The following PEAK1 variants were observed in gnomAD, a reference collection of about 807,000 sequenced individuals.
PEAK1 encodes the protein inactive tyrosine-protein kinase PEAK1.
PEAK1 carries 54 observed loss-of-function variants against 124.7 expected under a neutral mutation model. That is an observed-to-expected ratio of 0.43 (90% CI 0.35 to 0.54). PEAK1 has a LOEUF of 0.54. Ranked by LOEUF, PEAK1 falls within the 20% of genes least tolerant of loss-of-function variation. PEAK1 has a pLI of 0.01. For synonymous variants in PEAK1, 719 were observed against 760.0 expected, an observed-to-expected ratio of 0.95 and a Z score of 0.89; for missense variants, 2,046 against 2,134.5, an observed-to-expected ratio of 0.96 and a Z score of 0.82.
At chr15:77,308,846 T>C (rs982684805) in intron 2 of PEAK1, among the ~76,000 whole-genome samples, 1 of 152,064 alleles carries the variant, frequency 6.6e-6, no homozygotes, top group Non-Finnish European at 1.5e-5. Context: ...AGCTAAATTA[T>C]TGAGATGCTG....
chr15:77,360,096 G>C (rs2067784738), intron 2 of PEAK1, among the ~76,000 whole-genome samples: 1 of 152,172 alleles, frequency 6.6e-6, no homozygotes. Flanking sequence ...AGAATTGAAA[G>C]TCCAGAAATA....
chr15:77,332,159 T>C (rs2065927431), intron 2 of PEAK1: 6 of 949,802 alleles, frequency 6.3e-6, no homozygotes, highest in Non-Finnish European at 7.5e-6. Context: ...AATAAGTTGC[T>C]TTAGAGAATA....
rs76470549 is a variant in PEAK1 at position 77,318,569 on chromosome 15, G to A, written c.-602-32065C>T. Among the ~76,000 whole-genome samples the A allele has an allele frequency of 2.6e-5, 4 of 152,180 alleles. No individual in the cohort carries two copies. The East Asian group carries it at 7.7e-4, about 29-fold the overall frequency. Reference sequence around the variant, plus strand: ...GCAGGCAGTAAGCTTCTCACTGGAGGTATGTGAACAGAGAGAATGATTTTC... The same window carrying A: ...GCAGGCAGTAAGCTTCTCACTGGAGATATGTGAACAGAGAGAATGATTTTC... On this transcript the variant is annotated intron_variant, in intron 2 of 9. Transcript: ENST00000682557.
Position 77,114,552 on chromosome 15 carries a change from C to T in PEAK1, c.4845G>A (p.Leu1615=). Residue 1615 remains leucine (L), a synonymous_variant, in exon 10 of 10, where the codon CTG becomes CTA. Coordinates refer to ENST00000682557, the MANE Select transcript of PEAK1 (RefSeq NM_001385026.1). ...CTGCTCGTGTGTATTCCCTCTCCTT[C>T]AGCTCTGGGTTCTCATCAAAGGGGT... is the stretch of plus-strand genomic sequence containing the variant. ...LPNPFDENPE[L]KEREYTRADL... 6.2e-7 allele frequency: 1 copy of T among 1,614,116 alleles called. No homozygotes were observed.
At chr15:77,139,064 G>T (rs1362657965) in intron 8 of PEAK1, among the ~76,000 whole-genome samples, 1 of 152,066 alleles carries the variant, frequency 6.6e-6, no homozygotes, top group Non-Finnish European at 1.5e-5. Flanking sequence ...TTAAGATGAG[G>T]TCATTAGAGT....
At chr15:77,355,690 C>G in intron 2 of PEAK1, 1 of 903,398 alleles carries the variant, frequency 1.1e-6, no homozygotes, top group South Asian at 5.1e-5. Flanking sequence ...TTACTCATGA[C>G]CAAGGAGTCT....
intron 6 of PEAK1, among the ~76,000 whole-genome samples, chr15:77,241,805 T>C (rs1020549543): frequency 6.6e-6 from 1 of 151,870 alleles, no homozygotes; most frequent in African/African-American, 2.4e-5. Context: ...CTGAGAACCA[T>C]AAAATGCTAA....
At chr15:77,219,268 T>A (rs1344523327) in intron 6 of PEAK1, among the ~76,000 whole-genome samples, 1 of 152,016 alleles carries the variant, frequency 6.6e-6, no homozygotes, top group East Asian at 1.9e-4. Flanking sequence ...GGATTGGAAA[T>A]GAGATGATTC....
chr15:77,278,650 T>C, intron 5 of PEAK1: 1 of 521,602 alleles, frequency 1.9e-6, no homozygotes, highest in South Asian at 1.4e-5. Flanking sequence ...AAGCTGACAC[T>C]GGCAAGGAGG....
At chr15:77,337,567 A>C in intron 2 of PEAK1, 2 of 985,128 alleles carry the variant, frequency 2.0e-6, no homozygotes, top group Non-Finnish European at 2.4e-6. Flanking sequence ...ATTCCACACC[A>C]ACAGAATTTT....
chr15:77,287,631 T>C (rs1205578648), intron 2 of PEAK1, among the ~76,000 whole-genome samples: 3 of 152,160 alleles, frequency 2.0e-5, no homozygotes, highest in Admixed American at 1.3e-4. Flanking sequence ...TCACATTTTC[T>C]GTATTCCTCC....
intron 1 of PEAK1, among the ~76,000 whole-genome samples, chr15:77,377,317 G>C (rs896839779): frequency 2.6e-5 from 4 of 152,294 alleles, no homozygotes; most frequent in Non-Finnish European, 5.9e-5. Context: ...CAGAAAGGTG[G>C]AGTCTGCAGT....
rs188655210 is a variant in PEAK1 at position 77,127,969 on chromosome 15, C to T, written c.4077+5036G>A. ...TGACGGACGCCTGTAATACCAGCTA[C>T]TTGGGGGGCTAAGGCAGGAGAATGA... On this transcript the variant is annotated intron_variant, in intron 9 of 9. Coordinates refer to ENST00000682557, the MANE Select transcript of PEAK1 (RefSeq NM_001385026.1). 3.3e-5 allele frequency among the ~76,000 whole-genome samples: 5 copies of T among 151,766 alleles called. No homozygotes were observed. In the South Asian group the frequency reaches 1.0e-3, roughly 32 times the overall value.
At chr15:77,313,295 A>AT (rs1371813096) in intron 2 of PEAK1, among the ~76,000 whole-genome samples, 1 of 152,222 alleles carries the variant, frequency 6.6e-6, no homozygotes, top group Non-Finnish European at 1.5e-5. Context: ...ACTGGATTAA[A>AT]ATCCAAAGTA....
intron 5 of PEAK1, among the ~76,000 whole-genome samples, chr15:77,268,267 G>A (rs927975218): frequency 2.6e-5 from 4 of 152,180 alleles, no homozygotes; most frequent in African/African-American, 7.2e-5. Flanking sequence ...TTGATGTCAG[G>A]AGTTTGAGAC....
chr15:77,224,334 G>T (rs1426661157), intron 6 of PEAK1, among the ~76,000 whole-genome samples: 1 of 151,982 alleles, frequency 6.6e-6, no homozygotes, highest in Non-Finnish European at 1.5e-5. Context: ...ATTTGTGTTA[G>T]AATTCAATGT....
intron 6 of PEAK1, among the ~76,000 whole-genome samples, chr15:77,183,971 G>A (rs1026062767): frequency 2.0e-5 from 3 of 151,900 alleles, no homozygotes; most frequent in Non-Finnish European, 4.4e-5. Flanking sequence ...GGGACTATGG[G>A]CACATGCCAC....
rs146458404 is a variant in PEAK1 at position 77,225,629 on chromosome 15, A to ATGTGTGTGTG, written c.-115+26728_-115+26737dup. Among the ~76,000 whole-genome samples the ATGTGTGTGTG allele has an allele frequency of 3.7e-4, 43 of 115,780 alleles. 1 individual carries two copies. Among genetic ancestry groups the ATGTGTGTGTG allele is most frequent in the South Asian group, 2.9e-3 (10 of 3,474 alleles). 76.0% of individuals were successfully genotyped at this position (115,780 alleles called of 152,430 possible). On this transcript the variant is annotated intron_variant, in intron 6 of 9. Coordinates refer to ENST00000682557, the MANE Select transcript of PEAK1 (RefSeq NM_001385026.1). The stretch of plus-strand genomic sequence containing the variant: ...GAAATCTGAGCAAGACTTTCTACAG[A>ATGTGTGTGTG]TGTGTGTGTGTGTGTGTGTGTGTGT...
In PEAK1 at chr15:77,417,444, TG is replaced by T. The variant is rs975612516; in HGVS notation, c.-666+2561del. 3 of 242,338 alleles carry T rather than the reference TG, an allele frequency of 1.2e-5. No individual in the cohort carries two copies. In the African/African-American group the frequency reaches 4.6e-4, roughly 37 times the overall value. The allele number at this position is 242,338 out of a possible 1,614,324, so 15.0% of individuals were successfully genotyped here. A position where few individuals can be genotyped will look rare whatever the true frequency, so the allele number is the denominator to read the frequency against. On this transcript the variant is annotated intron_variant, in intron 1 of 9. Transcript: ENST00000682557. ...GAAAGGACTAGGAAGGAGAGTGGGG[TG>T]GGGGGATGCGGGGCGGGGGGGGAGG...
Sources: gnomAD v4.1 joint callset for allele counts (sites outside exome capture counted in the v4.1 genomes callset) on GRCh38, gnomAD v4.1.1 for gene constraint, MANE v1.5 for transcripts, NCBI Gene and HGNC (gene_info 2026-07-23, HGNC 2026-07-21) for gene names.